PDE1B: variants seen among roughly 807,000 people sequenced by gnomAD.
PDE1B encodes the protein dual specificity calcium/calmodulin-dependent 3',5'-cyclic nucleotide phosphodiesterase 1B.
A neutral mutation model predicts 66.7 loss-of-function variants in PDE1B; 13 were observed. The observed-to-expected ratio is 0.19, with a 90% confidence interval of 0.13 to 0.31. PDE1B has a LOEUF of 0.31. Ranked by LOEUF, PDE1B falls within the 10% of genes least tolerant of loss-of-function variation. The pLI is 1.00. For synonymous variants in PDE1B, 230 were observed against 253.9 expected (o/e 0.91, Z 0.90); for missense variants, 485 against 682.3 (o/e 0.71, Z 3.22).
chr12:54,557,405 TG>T (rs1318231852), intron 2 of PDE1B, among the ~76,000 whole-genome samples: 2 of 152,170 alleles, frequency 1.3e-5, no homozygotes, highest in African/African-American at 4.8e-5. Flanking sequence ...CTCTAAGCAC[TG>T]GGTTAGAGCT....
At position 54,549,951 on chromosome 12, in the gene PDE1B, C is replaced by T; in HGVS notation, c.79C>T (p.Pro27Ser). ...GTCACCCCTGGAGCTGAAGTCAGCC[C>T]CCAGCAAGAAGATGTGGATTAAGCT... ...CPSPLELKSA[P>S]SKKMWIKLRS... Residue 27 changes from proline to serine, a missense_variant, in exon 2 of 16, where the codon CCC becomes TCC. Coordinates refer to ENST00000243052, the MANE Select transcript of PDE1B (RefSeq NM_000924.4). 1 of 1,614,116 alleles carries T rather than the reference C, an allele frequency of 6.2e-7. No individual in the cohort carries two copies. Among genetic ancestry groups the T allele is most frequent in the South Asian group, 1.1e-5 (1 of 91,074 alleles).
chr12:54,565,468 A>G (rs1168723224), intron 2 of PDE1B, among the ~76,000 whole-genome samples: 1 of 152,328 alleles, frequency 6.6e-6, no homozygotes, highest in East Asian at 1.9e-4. Context: ...TAGCTGGGAA[A>G]GCCTTTTATG....
At chr12:54,549,834 T>G (rs1239478801) in intron 1 of PDE1B, 26 bp from the exon 2 acceptor site, 2 of 1,496,868 alleles carry the variant, frequency 1.3e-6, no homozygotes, top group Non-Finnish European at 1.9e-6. Flanking sequence ...TGAGCCGAGG[T>G]GCTGTCTCCT....
In PDE1B at chr12:54,575,191, G is replaced by A; in HGVS notation, c.1158G>A (p.Lys386=). ...GGTTGGTCCACAGCCGTTGGACCAA[G>A]GCCCTCATGGAGGAATTCTTCCGTC... The part of the protein sequence containing the change: ...KQWLVHSRWT[K]ALMEEFFRQG... Residue 386 remains lysine (K), a synonymous_variant, in exon 11 of 16, where the codon AAG becomes AAA. Coordinates refer to ENST00000243052, the MANE Select transcript of PDE1B (RefSeq NM_000924.4). The surrounding 1 kb of genome is among the most constrained non-coding windows in gnomAD (Gnocchi z 4.0). 1 of 1,613,094 alleles carries A rather than the reference G, an allele frequency of 6.2e-7. No individual in the cohort carries two copies. Among genetic ancestry groups the A allele is most frequent in the Non-Finnish European group, 8.5e-7 (1 of 1,179,208 alleles).
chr12:54,564,348 C>G (rs1050883037), intron 2 of PDE1B, among the ~76,000 whole-genome samples: 5 of 146,678 alleles, frequency 3.4e-5, no homozygotes, highest in South Asian at 2.1e-4. Context: ...AAAAAAAAAG[C>G]AGGCCGGGTG....
intron 6 of PDE1B, chr12:54,571,566 C>T (rs1957616445): frequency 1.3e-5 from 2 of 152,326 alleles, no homozygotes; most frequent in South Asian, 4.1e-4. Context: ...CTGCTTTGCT[C>T]CAAGGCAGTT....
At chr12:54,561,559 C>T (rs1302062218) in intron 2 of PDE1B, 15 of 1,513,920 alleles carry the variant, frequency 9.9e-6, no homozygotes, top group Non-Finnish European at 1.3e-5. Flanking sequence ...GATTTTGATA[C>T]TCTGAAGCAG....
At chr12:54,570,929 G>A (rs1322219295) in intron 6 of PDE1B, 1 of 152,304 alleles carries the variant, frequency 6.6e-6, no homozygotes, top group Non-Finnish European at 1.5e-5. Flanking sequence ...GTACCAGGAG[G>A]GAGCATCTTT....
rs1957649810 is a variant in PDE1B, at chr12:54,573,246, C to G, written c.834C>G (p.Thr278=). The G allele has an allele frequency of 6.2e-7, 1 of 1,613,346 alleles. No individual in the cohort carries two copies. The highest frequency in any genetic ancestry group is 1.7e-5 in the Admixed American group (1 of 59,988). The change falls in exon 8 of 16, where the codon ACC becomes ACG. Residue 278 remains threonine, a splice_region_variant and synonymous_variant. Transcript: ENST00000243052. The surrounding 1 kb of genome is among the most constrained non-coding windows in gnomAD (Gnocchi z 5.2). ...CTACCAACAGCTTCCACATCCAGAC[C>G]AAGTGAGGGGTGGGGATGTGGCAGG... ...TGTTNSFHIQ[T]KSECAIVYND...
At chr12:54,550,251 C>A in intron 2 of PDE1B, 1 of 1,331,628 alleles carries the variant, frequency 7.5e-7, no homozygotes, top group Non-Finnish European at 9.7e-7. Flanking sequence ...ACACACGCAG[C>A]GCCTAGAGGC....
intron 2 of PDE1B, chr12:54,561,781 T>TGTGC (rs1555174464): frequency 1.3e-5 from 6 of 470,512 alleles, no homozygotes; most frequent in Non-Finnish European, 2.3e-5. Context: ...TGTGTGTGTG[T>TGTGC]GCGCGTGCCA....
chr12:54,570,608 C>T, intron 6 of PDE1B: 2 of 461,054 alleles, frequency 4.3e-6, no homozygotes, highest in Admixed American at 3.4e-5. Flanking sequence ...TGCTCTCTCC[C>T]GCTTTGCTTT....
intron 2 of PDE1B, 136 bp from the exon 3 acceptor site, chr12:54,566,838 A>G (rs1000273760): frequency 8.6e-6 from 4 of 465,478 alleles, no homozygotes; most frequent in African/African-American, 8.1e-5. Flanking sequence ...AGCTGCTATT[A>G]TTATTAATGT....
At chr12:54,564,799 C>T (rs961840730) in intron 2 of PDE1B, among the ~76,000 whole-genome samples, 7 of 152,172 alleles carry the variant, frequency 4.6e-5, no homozygotes, top group East Asian at 1.9e-4. Flanking sequence ...TAAAAAGCAC[C>T]GATTAAGAGT....
At position 54,579,172 on chromosome 12, in the gene PDE1B, A is replaced by C; in HGVS notation, c.*1330A>C. The C allele has an allele frequency of 1.2e-6, 1 of 852,922 alleles. No homozygotes were observed. The highest frequency in any genetic ancestry group is 1.4e-6 in the Non-Finnish European group (1 of 709,424). 52.8% of individuals were successfully genotyped at this position (852,922 alleles called of 1,614,324 possible). On this transcript the variant is annotated 3_prime_UTR_variant, in exon 16 of 16. Coordinates refer to ENST00000243052, the MANE Select transcript of PDE1B (RefSeq NM_000924.4). The stretch of plus-strand genomic sequence containing the variant: ...CCCGAGAAGGGCAGAGACGCATGTG[A>C]CTCACCCCTGCCCTTGGTTTCCCAG...
chr12:54,567,331 C>T (rs1365595974), intron 3 of PDE1B, among the ~76,000 whole-genome samples: 1 of 149,274 alleles, frequency 6.7e-6, no homozygotes, highest in Non-Finnish European at 1.5e-5. Flanking sequence ...TGGCAAGACC[C>T]TGTCTCTACA....
intron 2 of PDE1B, 127 bp from the exon 3 acceptor site, chr12:54,566,847 G>T: frequency 2.0e-6 from 1 of 496,276 alleles, no homozygotes; most frequent in Non-Finnish European, 3.6e-6. Flanking sequence ...TATTATTAAT[G>T]TTAGAATGAT....
At chr12:54,560,610 T>A (rs1352740734) in intron 2 of PDE1B, among the ~76,000 whole-genome samples, 3 of 152,140 alleles carry the variant, frequency 2.0e-5, no homozygotes, top group Admixed American at 6.5e-5. Flanking sequence ...TGGGACTGTG[T>A]GCGCACGTCC....
In PDE1B at chr12:54,569,484, G is replaced by C; in HGVS notation, c.411-62G>C. On this transcript the variant is annotated intron_variant, in intron 4 of 15. Transcript: ENST00000243052. This position sits in a 1 kb window ranked among gnomAD's most constrained non-coding sequence, Gnocchi z 4.4. ...CCCATGGCTCATCCCCACATCCCCAGCTGGCCACACCTCCACTCCCAGACC... is the reference window on the plus strand; with the variant it reads ...CCCATGGCTCATCCCCACATCCCCACCTGGCCACACCTCCACTCCCAGACC... The C allele has an allele frequency of 1.9e-6, 3 of 1,586,050 alleles. No homozygotes were observed. Among genetic ancestry groups the C allele is most frequent in the Non-Finnish European group, 2.6e-6 (3 of 1,155,218 alleles).
Sources: gnomAD v4.1 joint callset for allele counts (sites outside exome capture counted in the v4.1 genomes callset) on GRCh38, gnomAD v4.1.1 for gene constraint, Gnocchi (gnomAD v3.1) non-coding constraint, MANE v1.5 for transcripts, NCBI Gene and HGNC (gene_info 2026-07-23, HGNC 2026-07-21) for gene names.